Variants in NUP62 observed in about 807,000 individuals in gnomAD.
NUP62 encodes nucleoporin 62, also known as nuclear pore glycoprotein p62.
For missense variants in NUP62, 647 were observed against 689.4 expected (o/e 0.94, Z 0.69); for synonymous variants, 305 against 303.4 (o/e 1.01, Z -0.05).
At chr19:49,923,761 C>T (rs949054451) in intron 2 of NUP62, among the ~76,000 whole-genome samples, 9 of 152,244 alleles carry the variant, frequency 5.9e-5, no homozygotes, top group African/African-American at 2.2e-4. Flanking sequence ...GAAACTGAGT[C>T]ATAGAAAGAG....
rs201615834 is a variant in NUP62 at position 49,908,617 on chromosome 19, C to T, written c.1191G>A (p.Leu397=). ...KRLDQELDFI[L]SQQKELEDLL... is the part of the protein sequence containing the mutation. The stretch of plus-strand genomic sequence containing the variant: ...GGTCTTCCAGCTCCTTCTGCTGGGA[C>T]AGGATGAAGTCGAGCTCCTGGTCCA... The change falls in exon 3 of 3, where the codon CTG becomes CTA. Residue 397 remains leucine (L), a synonymous_variant. Transcript: ENST00000352066. 1.2e-6 allele frequency: 2 copies of T among 1,613,670 alleles called. No homozygotes were observed. The highest frequency in any genetic ancestry group is 1.7e-6 in the Non-Finnish European group (2 of 1,180,048).
intron 2 of NUP62, among the ~76,000 whole-genome samples, chr19:49,924,627 G>C (rs935513287): frequency 6.6e-6 from 1 of 152,222 alleles, no homozygotes; most frequent in African/African-American, 2.4e-5. Flanking sequence ...CAGGACATGA[G>C]TCCTGAAGGG....
At chr19:49,926,852 G>C (rs1292934523) in intron 2 of NUP62, among the ~76,000 whole-genome samples, 2 of 125,312 alleles carry the variant, frequency 1.6e-5, no homozygotes, top group Admixed American at 9.9e-5. Context: ...TAAGAAGTAG[G>C]TACTTTTTTT....
At chr19:49,913,644 T>C (rs373842717) in intron 2 of NUP62, among the ~76,000 whole-genome samples, 8 of 152,228 alleles carry the variant, frequency 5.3e-5, no homozygotes, top group African/African-American at 1.9e-4. Context: ...CTGGTCTCCC[T>C]TGGGGCTTTT....
At chr19:49,925,048 G>C (rs1568723674) in intron 2 of NUP62, among the ~76,000 whole-genome samples, 1 of 152,130 alleles carries the variant, frequency 6.6e-6, no homozygotes, top group African/African-American at 2.4e-5. Flanking sequence ...GATCGCCTGA[G>C]TTCGGGAGTT....
intron 2 of NUP62, among the ~76,000 whole-genome samples, chr19:49,922,562 G>C (rs1398197297): frequency 6.6e-6 from 1 of 151,966 alleles, no homozygotes; most frequent in Admixed American, 6.6e-5. Flanking sequence ...GGTTCCTTTT[G>C]CTCTCTGCTG....
Position 49,919,469 on chromosome 19 carries a change from G to A in NUP62, c.-78+8225C>T, listed in dbSNP as rs114244696. Among the ~76,000 whole-genome samples the A allele has an allele frequency of 5.0e-3, 755 of 152,296 alleles. 11 individuals carry two copies. Among genetic ancestry groups the A allele is most frequent in the African/African-American group, 0.017 (723 of 41,568 alleles). ...TCACCCGGGTAGATGAGGAAACCGA[G>A]GCCCTCAGAGGGGGCGACTTGCCCA... On this transcript the variant is annotated intron_variant, in intron 2 of 2. Coordinates refer to ENST00000352066, the MANE Select transcript of NUP62 (RefSeq NM_016553.5).
intron 2 of NUP62, chr19:49,911,433 A>C (rs1259142302): frequency 6.6e-6 from 1 of 152,210 alleles, no homozygotes; most frequent in African/African-American, 2.4e-5. Flanking sequence ...ACCCAGAGAA[A>C]CACCCACGAG....
rs920589703 is a variant in NUP62 at position 49,925,613 on chromosome 19, G to A, written c.-78+2081C>T. Among the ~76,000 whole-genome samples the A allele has an allele frequency of 3.9e-5, 6 of 152,154 alleles. No homozygotes were observed. The East Asian group carries it at 1.2e-3, about 29-fold the overall frequency. ...AAGGAAAGTCTAAAACCAGTCACAG[G>A]CCAGAGGAGGCTGCGGAGCCATGAT... On this transcript the variant is annotated intron_variant, in intron 2 of 2. Coordinates refer to ENST00000352066, the MANE Select transcript of NUP62 (RefSeq NM_016553.5).
intron 2 of NUP62, among the ~76,000 whole-genome samples, chr19:49,918,895 T>G (rs1161418333): frequency 4.1e-5 from 3 of 72,342 alleles, no homozygotes; most frequent in African/African-American, 5.9e-5. Context: ...TTTGGGAGGC[T>G]GGGGGGGGGG....
In NUP62 at chr19:49,911,321, G is replaced by T. The variant is rs565218338; in HGVS notation, c.-77-1437C>A. ...AGATGTGAGAAAGCCAGGAGCCAAG[G>T]AAGGCAGAAGCAGCTCTAAAAGCTG... On this transcript the variant is annotated intron_variant, in intron 2 of 2. Transcript: ENST00000352066. 3.2e-3 allele frequency: 482 copies of T among 152,342 alleles called. 2 individuals carry two copies. Among genetic ancestry groups the T allele is most frequent in the Non-Finnish European group, 5.6e-3 (380 of 68,046 alleles). 9.4% of individuals were successfully genotyped at this position (152,342 alleles called of 1,614,324 possible). A position where few individuals can be genotyped will look rare whatever the true frequency, so the allele number is the denominator to read the frequency against.
chr19:49,911,766 G>A (rs1269971342), intron 2 of NUP62, among the ~76,000 whole-genome samples: 1 of 152,226 alleles, frequency 6.6e-6, no homozygotes, highest in East Asian at 1.9e-4. Flanking sequence ...CACTAAGCCA[G>A]TCTCTCCGGG....
At chr19:49,916,700 C>T (rs956211662) in intron 2 of NUP62, among the ~76,000 whole-genome samples, 1 of 150,898 alleles carries the variant, frequency 6.6e-6, no homozygotes, top group African/African-American at 2.4e-5. Flanking sequence ...GGAGGCGGAG[C>T]TTGCAGTAAG....
intron 2 of NUP62, among the ~76,000 whole-genome samples, chr19:49,916,624 C>A (rs2075630660): frequency 6.6e-6 from 1 of 151,776 alleles, no homozygotes. Context: ...ATTAGCCAGG[C>A]GTGGTGGTGG....
chr19:49,921,370 C>T lies in NUP62; in HGVS notation c.-78+6324G>A, dbSNP rs543278163. On this transcript the variant is annotated intron_variant, in intron 2 of 2. Transcript: ENST00000352066. The surrounding 1 kb of genome is among the most constrained non-coding windows in gnomAD (Gnocchi z 5.4). ...TGCTCCCCACTGCCACCACCATCAC[C>T]GTCCCCTGCCTCATCCAGTCCCCCT... 3.9e-5 allele frequency among the ~76,000 whole-genome samples: 6 copies of T among 152,114 alleles called. No individual in the cohort carries two copies. The highest frequency in any genetic ancestry group is 1.5e-5 in the Non-Finnish European group (1 of 68,022).
In NUP62 at chr19:49,921,194, G is replaced by A. The variant is rs2075757343; in HGVS notation, c.-78+6500C>T. Among the ~76,000 whole-genome samples the A allele has an allele frequency of 6.6e-6, 1 of 152,066 alleles. No homozygotes were observed. ...CAATGTGACGAAGCGAAACTATCAT[G>A]GCTCCCATTTATAAATGAGCAAACT... On this transcript the variant is annotated intron_variant, in intron 2 of 2. Transcript: ENST00000352066. The surrounding 1 kb of genome is among the most constrained non-coding windows in gnomAD (Gnocchi z 5.4).
chr19:49,924,865 C>T lies in NUP62; in HGVS notation c.-78+2829G>A, dbSNP rs556644943. Among the ~76,000 whole-genome samples, 6 of 152,286 alleles carry T rather than the reference C, an allele frequency of 3.9e-5. No individual in the cohort carries two copies. The East Asian group carries it at 9.6e-4, about 24-fold the overall frequency. ...TAGCTAGAGAGAAAAGGCGGCAAAA[C>T]GGTGGGGAGGGGAAGCAGAGTCCCT... is the stretch of plus-strand genomic sequence containing the variant. On this transcript the variant is annotated intron_variant, in intron 2 of 2. Coordinates refer to ENST00000352066, the MANE Select transcript of NUP62 (RefSeq NM_016553.5).
At chr19:49,926,713 A>T (rs2075900137) in intron 2 of NUP62, among the ~76,000 whole-genome samples, 1 of 152,200 alleles carries the variant, frequency 6.6e-6, no homozygotes, top group Admixed American at 6.5e-5. Flanking sequence ...CTATACAGCA[A>T]TGGAATGAGA....
rs548552246 is a variant in NUP62 at position 49,907,131 on chromosome 19, C to T, written c.*1108G>A. 1 of 161,702 alleles carries T rather than the reference C, an allele frequency of 6.2e-6. No homozygotes were observed. Among genetic ancestry groups the T allele is most frequent in the African/African-American group, 2.4e-5 (1 of 41,612 alleles). 10.0% of individuals were successfully genotyped at this position (161,702 alleles called of 1,614,324 possible). A position where few individuals can be genotyped will look rare whatever the true frequency, so the allele number is the denominator to read the frequency against. On this transcript the variant is annotated 3_prime_UTR_variant, in exon 3 of 3. Coordinates refer to ENST00000352066, the MANE Select transcript of NUP62 (RefSeq NM_016553.5). ...CGGGCTGGGGACACACGGGGAACGA[C>T]AGTGGGTCTCTGCCCATGGGAACTC...
Sources: gnomAD v4.1 joint callset for allele counts (sites outside exome capture counted in the v4.1 genomes callset) on GRCh38, gnomAD v4.1.1 for gene constraint, Gnocchi (gnomAD v3.1) non-coding constraint, MANE v1.5 for transcripts, NCBI Gene and HGNC (gene_info 2026-07-23, HGNC 2026-07-21) for gene names.